Variants in GRIK3 observed in about 807,000 individuals in gnomAD.
GRIK3 encodes the protein glutamate ionotropic receptor kainate type subunit 3.
In GRIK3, 29 loss-of-function variants were observed where a neutral mutation model predicts 102.5. The ratio of observed to expected loss-of-function variants is 0.28; its 90% CI spans 0.21 to 0.39. The LOEUF (loss-of-function observed/expected upper bound fraction) is 0.39. Among genes scored for constraint, GRIK3 ranks in the 10% least tolerant of loss-of-function variants. The pLI is 1.00. For synonymous variants in GRIK3, 511 were observed against 504.9 expected, an observed-to-expected ratio of 1.01 and a Z score of -0.16; for missense variants, 908 against 1,252.4, an observed-to-expected ratio of 0.73 and a Z score of 4.15.
rs202228595 is a variant in GRIK3, at chr1:36,844,741, A to ATAT, written c.1327-2805_1327-2803dup. Among the ~76,000 whole-genome samples the ATAT allele has an allele frequency of 1.6e-3, 241 of 152,242 alleles. 2 individuals carry two copies. In the East Asian group the frequency reaches 0.037, roughly 24 times the overall value. The stretch of plus-strand genomic sequence containing the variant: ...AGTGCCTGGCAACTGTTAGCTGCCA[A>ATAT]TATTATTATTATTATTAATCATTAT... On this transcript the variant is annotated intron_variant, in intron 9 of 15. Transcript: ENST00000373091.
At chr1:36,971,353 T>C (rs1471373903) in intron 1 of GRIK3, among the ~76,000 whole-genome samples, 2 of 152,166 alleles carry the variant, frequency 1.3e-5, no homozygotes, top group African/African-American at 2.4e-5. Flanking sequence ...TGCCGTAGAA[T>C]TGAATGAGGC....
At chr1:37,020,042 C>G (rs996243505) in intron 1 of GRIK3, among the ~76,000 whole-genome samples, 1 of 152,234 alleles carries the variant, frequency 6.6e-6, no homozygotes, top group Non-Finnish European at 1.5e-5. Flanking sequence ...AACAATTCCT[C>G]TGACTCTATC....
intron 3 of GRIK3, among the ~76,000 whole-genome samples, chr1:36,876,242 A>T (rs1640911230): frequency 6.6e-6 from 1 of 152,152 alleles, no homozygotes; most frequent in Non-Finnish European, 1.5e-5. Flanking sequence ...CCTGGGTTCC[A>T]GCTACTTGGG....
intron 1 of GRIK3, among the ~76,000 whole-genome samples, chr1:37,025,801 A>G (rs905633797): frequency 2.0e-5 from 3 of 152,190 alleles, no homozygotes; most frequent in Non-Finnish European, 4.4e-5. Flanking sequence ...CTTTTAATAC[A>G]AACCAGAATC....
intron 2 of GRIK3, among the ~76,000 whole-genome samples, chr1:36,886,672 G>C (rs761730682): frequency 1.3e-5 from 2 of 152,218 alleles, no homozygotes; most frequent in South Asian, 2.1e-4. Flanking sequence ...ATAAAATATA[G>C]TAAAGTGCAT....
intron 1 of GRIK3, among the ~76,000 whole-genome samples, chr1:36,897,168 A>G (rs1004883591): frequency 6.6e-6 from 1 of 152,200 alleles, no homozygotes; most frequent in Middle Eastern, 3.2e-3. Context: ...CAAGAAAATG[A>G]AAAAGAAGGC....
chr1:36,884,010 G>A (rs749150415), intron 2 of GRIK3, among the ~76,000 whole-genome samples: 3 of 152,242 alleles, frequency 2.0e-5, no homozygotes, highest in Non-Finnish European at 4.4e-5. Context: ...GCTAGTTTTT[G>A]TTAGGGGTCT....
chr1:36,862,341 G>T (rs1557706262), intron 5 of GRIK3, among the ~76,000 whole-genome samples: 1 of 152,008 alleles, frequency 6.6e-6, no homozygotes, highest in Non-Finnish European at 1.5e-5. Context: ...GTTAAACATT[G>T]ACTGATGCAT....
chr1:36,943,374 A>G (rs1204510575), intron 1 of GRIK3, among the ~76,000 whole-genome samples: 1 of 152,260 alleles, frequency 6.6e-6, no homozygotes, highest in African/African-American at 2.4e-5. Flanking sequence ...CATTGAAGCC[A>G]CATAGATCTG....
At chr1:36,827,368 C>T (rs999593055) in intron 10 of GRIK3, among the ~76,000 whole-genome samples, 1 of 152,164 alleles carries the variant, frequency 6.6e-6, no homozygotes, top group African/African-American at 2.4e-5. Flanking sequence ...CACTTCCCTT[C>T]CTCAAGTAGG....
Position 36,983,719 on chromosome 1 carries a change from C to T in GRIK3, c.115+50275G>A, listed in dbSNP as rs554281838. On this transcript the variant is annotated intron_variant, in intron 1 of 15. Coordinates refer to ENST00000373091, the MANE Select transcript of GRIK3 (RefSeq NM_000831.4). ...CCTTCAAAACAGGCCCTCCTTGACC[C>T]CCCCAGTTTAAATTAAGTTCCCCTG... Among the ~76,000 whole-genome samples, 9 of 152,248 alleles carry T rather than the reference C, an allele frequency of 5.9e-5. No homozygotes were observed. The South Asian group carries it at 1.9e-3, about 32-fold the overall frequency.
chr1:36,837,782 G>A (rs1287429824), intron 10 of GRIK3, among the ~76,000 whole-genome samples: 1 of 152,176 alleles, frequency 6.6e-6, no homozygotes, highest in African/African-American at 2.4e-5. Context: ...TCCCCAAGTG[G>A]GCTCCTGGGC....
intron 2 of GRIK3, among the ~76,000 whole-genome samples, chr1:36,883,777 T>A (rs569982882): frequency 1.3e-5 from 2 of 152,184 alleles, no homozygotes; most frequent in Non-Finnish European, 2.9e-5. Context: ...ATGGTCCAGA[T>A]TGATCCAGAT....
At chr1:36,899,658 C>T (rs1641211523) in intron 1 of GRIK3, among the ~76,000 whole-genome samples, 1 of 152,050 alleles carries the variant, frequency 6.6e-6, no homozygotes. Flanking sequence ...GAACAGTACA[C>T]TTAAAAATGG....
chr1:36,862,419 A>T (rs1249813851), intron 5 of GRIK3, among the ~76,000 whole-genome samples: 4 of 152,180 alleles, frequency 2.6e-5, no homozygotes, highest in African/African-American at 9.7e-5. Context: ...CAAGACATGC[A>T]TCAGAGCTGT....
At chr1:36,834,375 G>A (rs920056441) in intron 10 of GRIK3, among the ~76,000 whole-genome samples, 1 of 152,206 alleles carries the variant, frequency 6.6e-6, no homozygotes, top group Non-Finnish European at 1.5e-5. Context: ...AATATCTGTG[G>A]ATGACCTGCC....
At chr1:36,863,402 T>A (rs1224306889) in intron 5 of GRIK3, among the ~76,000 whole-genome samples, 1 of 152,212 alleles carries the variant, frequency 6.6e-6, no homozygotes, top group Non-Finnish European at 1.5e-5. Context: ...TGTAGTCTTT[T>A]CAGAATATGG....
Position 36,859,902 on chromosome 1 carries a change from A to C in GRIK3, c.902T>G (p.Met301Arg). The C allele has an allele frequency of 6.2e-7, 1 of 1,613,972 alleles. No individual in the cohort carries two copies. The highest frequency in any genetic ancestry group is 8.5e-7 in the Non-Finnish European group (1 of 1,179,884). Reference protein sequence around the residue: ...HVSAIVEKWSMERLQAAPRSE... With the variant: ...HVSAIVEKWSRERLQAAPRSE... ...CCGGGGAGCTGCCTGCAGCCGCTCCATGGACCACTTCTCCACAATGGCCGA... is the reference window on the plus strand; with the variant it reads ...CCGGGGAGCTGCCTGCAGCCGCTCCCTGGACCACTTCTCCACAATGGCCGA... The change falls in exon 6 of 16, where the codon ATG becomes AGG. Residue 301 changes from methionine to arginine, a missense_variant. Around this residue, in one of 3 missense-constraint regions of GRIK3, gnomAD observed 585 missense variants for 824.9 expected, o/e 0.71. Coordinates refer to ENST00000373091, the MANE Select transcript of GRIK3 (RefSeq NM_000831.4).
chr1:36,919,443 C>A (rs1641443115), intron 1 of GRIK3, among the ~76,000 whole-genome samples: 1 of 151,512 alleles, frequency 6.6e-6, no homozygotes, highest in Non-Finnish European at 1.5e-5. Flanking sequence ...CATATGTATA[C>A]ATGTGCCATG....
Sources: allele counts gnomAD v4.1 joint callset (sites outside exome capture counted in the v4.1 genomes callset), GRCh38; gene constraint gnomAD v4.1.1; regional missense constraint gnomAD v4.1.1; transcripts MANE v1.5; gene names NCBI Gene and HGNC (gene_info 2026-07-23, HGNC 2026-07-21).